USP49: variants seen among roughly 807,000 people sequenced by gnomAD.
The protein encoded by USP49 is ubiquitin specific peptidase 49, also known as ubiquitin carboxyl-terminal hydrolase 49.
USP49 carries 24 observed loss-of-function variants against 58.6 expected under a neutral mutation model. That is an observed-to-expected ratio of 0.41 (90% CI 0.30 to 0.58). USP49 has a LOEUF of 0.58. Ranked by LOEUF, USP49 falls within the 20% of genes least tolerant of loss-of-function variation. USP49 has a pLI of 0.30. For missense variants in USP49, 703 were observed against 866.1 expected, an observed-to-expected ratio of 0.81 and a Z score of 2.36; for synonymous variants, 408 against 365.1, an observed-to-expected ratio of 1.12 and a Z score of -1.34.
chr6:41,884,244 C>T (rs896300255), intron 2 of USP49, among the ~76,000 whole-genome samples: 26 of 152,070 alleles, frequency 1.7e-4, no homozygotes, highest in African/African-American at 3.6e-4. Context: ...AGGATGGTTT[C>T]GAACTCCTGA....
intron 2 of USP49, chr6:41,873,131 A>G (rs1451943052): frequency 6.6e-6 from 1 of 152,284 alleles, no homozygotes; most frequent in African/African-American, 2.4e-5. Flanking sequence ...AAAGAAGAAA[A>G]GAGTTAGTAT....
intron 3 of USP49, among the ~76,000 whole-genome samples, chr6:41,834,765 C>CT (rs963297814): frequency 8.5e-5 from 13 of 152,268 alleles, no homozygotes; most frequent in African/African-American, 3.1e-4. Flanking sequence ...ACTATGCTTC[C>CT]TGCAGAATCA....
rs1772804576 is a variant in USP49, at chr6:41,791,947, T to TA, written c.*4585dup. On this transcript the variant is annotated 3_prime_UTR_variant, in exon 8 of 8. Coordinates refer to ENST00000682992, the MANE Select transcript of USP49 (RefSeq NM_001286554.2). ...GCCCTGGAAAGTTTTACCCCAAAGA[T>TA]ACAACTTCTTCACTTATTTAGTTCA... The TA allele has an allele frequency of 6.6e-6, 1 of 152,232 alleles. No individual in the cohort carries two copies. The highest frequency in any genetic ancestry group is 1.5e-5 in the Non-Finnish European group (1 of 68,038). 9.4% of individuals were successfully genotyped at this position (152,232 alleles called of 1,614,324 possible). A position where few individuals can be genotyped will look rare whatever the true frequency, so the allele number is the denominator to read the frequency against.
chr6:41,854,316 CAA>C (rs565189473), intron 3 of USP49, among the ~76,000 whole-genome samples: 45 of 91,064 alleles, frequency 4.9e-4, no homozygotes, highest in East Asian at 6.7e-4. Context: ...GACTCTGTCT[CAA>C]AAAAAAAAAA....
At chr6:41,866,295 C>T (rs1774318375) in intron 3 of USP49, among the ~76,000 whole-genome samples, 1 of 152,080 alleles carries the variant, frequency 6.6e-6, no homozygotes, top group African/African-American at 2.4e-5. Context: ...GCCACTGAGA[C>T]ACACCAGTGC....
chr6:41,862,471 A>G (rs745488927), intron 3 of USP49, among the ~76,000 whole-genome samples: 3 of 152,128 alleles, frequency 2.0e-5, no homozygotes, highest in Non-Finnish European at 4.4e-5. Flanking sequence ...TGTCTTTTCT[A>G]TTGGGCTCTC....
rs930404340 is a variant in USP49 at position 41,803,357 on chromosome 6, G to C, written c.1561+449C>G. ...CTTGCTCTGTTGCCCAGGCTGGAGT[G>C]CAATGGCGCAATCTTGGCTCACTGC... On this transcript the variant is annotated intron_variant, in intron 5 of 7. Transcript: ENST00000682992. This position sits in a 1 kb window ranked among gnomAD's most constrained non-coding sequence, Gnocchi z 4.1. Among the ~76,000 whole-genome samples the C allele has an allele frequency of 6.6e-6, 1 of 152,210 alleles. No homozygotes were observed. Among genetic ancestry groups the C allele is most frequent in the Non-Finnish European group, 1.5e-5 (1 of 68,042 alleles).
At chr6:41,823,777 G>A (rs577510143) in intron 3 of USP49, among the ~76,000 whole-genome samples, 1 of 152,168 alleles carries the variant, frequency 6.6e-6, no homozygotes, top group South Asian at 2.1e-4. Context: ...GCAGTGTACT[G>A]GTAATCTCTC....
At chr6:41,875,751 A>G (rs1316784568) in intron 2 of USP49, among the ~76,000 whole-genome samples, 5 of 152,146 alleles carry the variant, frequency 3.3e-5, no homozygotes, top group African/African-American at 1.2e-4. Context: ...TTTTTGAGAC[A>G]GAGTCTCAGA....
In USP49 at chr6:41,889,051, G is replaced by A. The variant is rs1450897644; in HGVS notation, c.-103+2743C>T. On this transcript the variant is annotated intron_variant, in intron 2 of 7. Coordinates refer to ENST00000682992, the MANE Select transcript of USP49 (RefSeq NM_001286554.2). Reference sequence around the variant, plus strand: ...ATCAATTTTTTTTTTTTTTATTTTTGAGACAGAGTCTCGCTCTGTTGACGA... The same window carrying A: ...ATCAATTTTTTTTTTTTTTATTTTTAAGACAGAGTCTCGCTCTGTTGACGA... 4.1e-5 allele frequency among the ~76,000 whole-genome samples: 6 copies of A among 146,130 alleles called. No homozygotes were observed. In the East Asian group the frequency reaches 9.9e-4, roughly 24 times the overall value.
Position 41,795,946 on chromosome 6 carries a change from T to G in USP49, c.*587A>C, listed in dbSNP as rs1772878376. 1 of 152,192 alleles carries G rather than the reference T, an allele frequency of 6.6e-6. No individual in the cohort carries two copies. The highest frequency in any genetic ancestry group is 6.5e-5 in the Admixed American group (1 of 15,272). The allele number at this position is 152,192 out of a possible 1,614,324, so 9.4% of individuals were successfully genotyped here. ...ACCATCCCACTTTGCATGGGGAAAT[T>G]TGTTCCATGCATCTCACTCCACTCT... On this transcript the variant is annotated 3_prime_UTR_variant, in exon 8 of 8. Transcript: ENST00000682992.
At chr6:41,798,670 G>A (rs1329968761) in intron 7 of USP49, 54 bp downstream of exon 7, 3 of 1,612,932 alleles carry the variant, frequency 1.9e-6, no homozygotes, top group Non-Finnish European at 2.5e-6. Flanking sequence ...AATAAAATGT[G>A]GACAAATCAA....
chr6:41,806,359 C>A lies in USP49; in HGVS notation c.625G>T (p.Ala209Ser). 6.5e-7 allele frequency: 1 copy of A among 1,530,304 alleles called. No individual in the cohort carries two copies. Among genetic ancestry groups the A allele is most frequent in the South Asian group, 1.3e-5 (1 of 79,808 alleles). The allele number at this position is 1,530,304 out of a possible 1,614,324, so 94.8% of individuals were successfully genotyped here. Residue 209 changes from alanine to serine, a missense_variant, in exon 4 of 8, where the codon GCA becomes TCA. By Grantham distance (99) the Ala-to-Ser change is moderately conservative (BLOSUM62 1). Coordinates refer to ENST00000682992, the MANE Select transcript of USP49 (RefSeq NM_001286554.2). This position sits in a 1 kb window ranked among gnomAD's most constrained non-coding sequence, Gnocchi z 5.9. Reference protein sequence around the residue: ...ELASTPPRKSARLLLHTPRDA... With the variant: ...ELASTPPRKSSRLLLHTPRDA... ...CGGGGCGTGTGCAGGAGCAGCCGTG[C>A]ACTCTTGCGCGGAGGGGTGCTGGCC...
At chr6:41,809,014 A>G (rs894880109) in intron 3 of USP49, among the ~76,000 whole-genome samples, 4 of 151,508 alleles carry the variant, frequency 2.6e-5, no homozygotes, top group Non-Finnish European at 5.9e-5. Context: ...CCTGGGTTCA[A>G]GTGATCCTCC....
Position 41,806,404 on chromosome 6 carries a change from G to C in USP49, c.580C>G (p.Arg194Gly). 4 of 1,563,572 alleles carry C rather than the reference G, an allele frequency of 2.6e-6. No individual in the cohort carries two copies. Among genetic ancestry groups the C allele is most frequent in the Non-Finnish European group, 3.4e-6 (4 of 1,163,424 alleles). ...EARRRRREVKRRLLEELASTP... is the reference protein window; with the variant it reads ...EARRRRREVKGRLLEELASTP... ...CTGGCCAGCTCCTCCAGCAGCCGCCGTTTCACCTCGCGCCGCCGCCTCCGC... is the reference window on the plus strand; with the variant it reads ...CTGGCCAGCTCCTCCAGCAGCCGCCCTTTCACCTCGCGCCGCCGCCTCCGC... Residue 194 changes from arginine to glycine, a missense_variant, in exon 4 of 8, where the codon CGG becomes GGG. By Grantham distance (125) the Arg-to-Gly change is moderately radical. Transcript: ENST00000682992. This position sits in a 1 kb window ranked among gnomAD's most constrained non-coding sequence, Gnocchi z 5.9.
chr6:41,826,214 C>A (rs935464124), intron 3 of USP49, among the ~76,000 whole-genome samples: 1 of 152,080 alleles, frequency 6.6e-6, no homozygotes, highest in African/African-American at 2.4e-5. Flanking sequence ...CTGCAGTGAG[C>A]TGAGATCGCG....
At chr6:41,844,613 A>T (rs998875299) in intron 3 of USP49, among the ~76,000 whole-genome samples, 2 of 152,064 alleles carry the variant, frequency 1.3e-5, no homozygotes, top group Non-Finnish European at 2.9e-5. Context: ...GCACCCGGCC[A>T]ATGATGGTTT....
At chr6:41,829,971 T>G (rs1421020801) in intron 3 of USP49, among the ~76,000 whole-genome samples, 1 of 152,246 alleles carries the variant, frequency 6.6e-6, no homozygotes, top group African/African-American at 2.4e-5. Flanking sequence ...TGTTGGATGA[T>G]ATCAGTGATG....
intron 1 of USP49, among the ~76,000 whole-genome samples, chr6:41,893,643 A>G (rs568638558): frequency 6.6e-6 from 1 of 152,322 alleles, no homozygotes; most frequent in South Asian, 2.1e-4. Context: ...AGAGGTTTTC[A>G]ACACCCAGAG....
Sources: gnomAD v4.1 joint callset for allele counts (sites outside exome capture counted in the v4.1 genomes callset) on GRCh38, gnomAD v4.1.1 for gene constraint, Gnocchi (gnomAD v3.1) non-coding constraint, MANE v1.5 for transcripts, NCBI Gene and HGNC (gene_info 2026-07-23, HGNC 2026-07-21) for gene names.